The following MACROD2 variants were observed in gnomAD, a reference collection of about 807,000 sequenced individuals.
MACROD2 encodes the protein mono-ADP ribosylhydrolase 2, also known as ADP-ribose glycohydrolase MACROD2.
A neutral mutation model predicts 70.4 loss-of-function variants in MACROD2; 36 were observed. The ratio of observed to expected loss-of-function variants is 0.51; its 90% CI spans 0.39 to 0.68. MACROD2 has a LOEUF of 0.68. Among genes scored for constraint, MACROD2 ranks in the 30% least tolerant of loss-of-function variants. The pLI, the probability that MACROD2 is intolerant of heterozygous loss-of-function variation, is 0.00. For synonymous variants in MACROD2, 172 were observed against 178.8 expected (o/e 0.96, Z 0.30); for missense variants, 496 against 538.4 (o/e 0.92, Z 0.78).
At chr20:15,593,733 C>G (rs1288003359) in intron 8 of MACROD2, among the ~76,000 whole-genome samples, 1 of 152,192 alleles carries the variant, frequency 6.6e-6, no homozygotes, top group Non-Finnish European at 1.5e-5. Context: ...AGCTGTTTCT[C>G]TGCTCCTTTA....
At chr20:14,493,301 A>G (rs951592948) in intron 3 of MACROD2, among the ~76,000 whole-genome samples, 178 bp from the exon 4 acceptor site, 10 of 152,012 alleles carry the variant, frequency 6.6e-5, no homozygotes, top group African/African-American at 2.4e-4. Context: ...AAATATTTTA[A>G]TTTTCAAACT....
intron 10 of MACROD2, among the ~76,000 whole-genome samples, chr20:15,921,255 C>T (rs2065401378): frequency 6.6e-6 from 1 of 152,198 alleles, no homozygotes; most frequent in South Asian, 2.1e-4. Context: ...ATTACTGTGA[C>T]TCCCCAAATG....
chr20:14,936,084 T>G (rs1272955205), intron 5 of MACROD2, among the ~76,000 whole-genome samples: 1 of 152,110 alleles, frequency 6.6e-6, no homozygotes, highest in Non-Finnish European at 1.5e-5. Flanking sequence ...GGATGCAGAC[T>G]TTCAAAAAGT....
chr20:14,401,949 C>T (rs1473925159), intron 3 of MACROD2, among the ~76,000 whole-genome samples: 1 of 152,148 alleles, frequency 6.6e-6, no homozygotes, highest in Admixed American at 6.6e-5. Flanking sequence ...CTGTTACATT[C>T]TCTGAACAGG....
At chr20:15,641,022 G>A (rs1363804657) in intron 8 of MACROD2, among the ~76,000 whole-genome samples, 1 of 152,204 alleles carries the variant, frequency 6.6e-6, no homozygotes, top group Non-Finnish European at 1.5e-5. Context: ...TAGCTGGGCT[G>A]TCTCCCTCTT....
chr20:14,435,826 C>T (rs564779684), intron 3 of MACROD2, among the ~76,000 whole-genome samples: 2 of 152,116 alleles, frequency 1.3e-5, no homozygotes, highest in East Asian at 3.9e-4. Context: ...CCTGCCTCAG[C>T]CTCCCAAGTA....
At chr20:15,577,291 C>G (rs1448929483) in intron 8 of MACROD2, among the ~76,000 whole-genome samples, 2 of 151,836 alleles carry the variant, frequency 1.3e-5, no homozygotes, top group African/African-American at 4.8e-5. Flanking sequence ...CACCAGTTAT[C>G]GACTCACATC....
chr20:14,591,046 G>C (rs1981735463), intron 4 of MACROD2, among the ~76,000 whole-genome samples: 1 of 152,052 alleles, frequency 6.6e-6, no homozygotes, highest in Non-Finnish European at 1.5e-5. Flanking sequence ...TACCATAGCA[G>C]TTACTAAATA....
At chr20:14,572,198 A>G (rs1433422081) in intron 4 of MACROD2, among the ~76,000 whole-genome samples, 1 of 152,168 alleles carries the variant, frequency 6.6e-6, no homozygotes, top group African/African-American at 2.4e-5. Context: ...CCAATCATAT[A>G]TGGATTTCTC....
chr20:14,172,760 T>C (rs2081233275), intron 3 of MACROD2, among the ~76,000 whole-genome samples: 1 of 152,224 alleles, frequency 6.6e-6, no homozygotes, highest in Non-Finnish European at 1.5e-5. Context: ...TTGAGATTTA[T>C]GCTTTAAGGA....
At chr20:14,880,829 C>G (rs887296463) in intron 5 of MACROD2, among the ~76,000 whole-genome samples, 1 of 152,164 alleles carries the variant, frequency 6.6e-6, no homozygotes, top group Admixed American at 6.5e-5. Context: ...CCTCAGAACA[C>G]AAACACAACT....
intron 3 of MACROD2, among the ~76,000 whole-genome samples, chr20:14,307,189 A>G (rs1308647170): frequency 1.3e-5 from 2 of 152,178 alleles, no homozygotes; most frequent in Non-Finnish European, 2.9e-5. Flanking sequence ...GATGGCCTCC[A>G]TATTAATTTA....
chr20:14,737,113 C>T (rs190475898), intron 5 of MACROD2, among the ~76,000 whole-genome samples: 2 of 152,254 alleles, frequency 1.3e-5, no homozygotes, highest in East Asian at 1.9e-4. Flanking sequence ...TAGCCCCCAC[C>T]ACCCAACAGG....
At chr20:14,233,544 T>G in intron 3 of MACROD2, among the ~76,000 whole-genome samples, 1 of 144,724 alleles carries the variant, frequency 6.9e-6, no homozygotes, top group East Asian at 2.0e-4. Flanking sequence ...AAAAAAAAAT[T>G]AGCCAGGTGG....
At chr20:14,552,829 G>A (rs922003793) in intron 4 of MACROD2, among the ~76,000 whole-genome samples, 3 of 152,136 alleles carry the variant, frequency 2.0e-5, no homozygotes, top group South Asian at 4.2e-4. Context: ...TGTGTATAGG[G>A]CACTTACCAT....
At chr20:14,729,494 A>G (rs1158484254) in intron 5 of MACROD2, among the ~76,000 whole-genome samples, 4 of 152,148 alleles carry the variant, frequency 2.6e-5, no homozygotes, top group African/African-American at 9.7e-5. Flanking sequence ...ACAAGGGAAC[A>G]TTGATCTCCT....
intron 5 of MACROD2, among the ~76,000 whole-genome samples, chr20:14,767,410 A>G (rs2072105191): frequency 6.6e-6 from 1 of 152,052 alleles, no homozygotes; most frequent in South Asian, 2.1e-4. Context: ...GAGAAACTTT[A>G]GAAATGCAAG....
At chr20:14,354,636 C>G (rs183059552) in intron 3 of MACROD2, among the ~76,000 whole-genome samples, 105 of 152,078 alleles carry the variant, frequency 6.9e-4, no homozygotes, top group Non-Finnish European at 2.5e-4. Flanking sequence ...TTCACGGGTA[C>G]CTGTGCAGGT....
intron 6 of MACROD2, among the ~76,000 whole-genome samples, chr20:15,387,579 C>A (rs62203486): frequency 0.17 from 26,322 of 151,118 alleles, 2,309 homozygotes; most frequent in Middle Eastern, 0.2. Flanking sequence ...TTTCTCCCCA[C>A]TTCCTTCCAT....
Sources: allele counts gnomAD v4.1 joint callset (sites outside exome capture counted in the v4.1 genomes callset), GRCh38; gene constraint gnomAD v4.1.1; transcripts MANE v1.5; gene names NCBI Gene and HGNC (gene_info 2026-07-23, HGNC 2026-07-21).